The following ANK3 variants were observed in gnomAD, a reference collection of about 807,000 sequenced individuals.
ANK3 encodes ankyrin 3, also known as ankyrin-3.
ANK3 carries 57 observed loss-of-function variants against 370.9 expected under a neutral mutation model. That is an observed-to-expected ratio of 0.15 (90% confidence interval 0.12 to 0.19). ANK3 has a LOEUF of 0.19. Among genes scored for constraint, ANK3 ranks in the 10% least tolerant of loss-of-function variants. The probability of loss-of-function intolerance (pLI) is 1.00; values close to 1 mark genes in which losing one functional copy is unlikely to be tolerated. For synonymous variants in ANK3, 1,929 were observed against 1,946.3 expected (o/e 0.99, Z 0.23); for missense variants, 4,439 against 5,302.1 (o/e 0.84, Z 5.06).
chr10:60,641,512 G>A (rs571005498), intron 1 of ANK3, among the ~76,000 whole-genome samples: 184 of 150,924 alleles, frequency 1.2e-3, no homozygotes, highest in African/African-American at 4.1e-3. Context: ...ACAAACCTGA[G>A]AAAAACAAGC....
At chr10:60,333,533 T>G (rs1228468733) in intron 1 of ANK3, among the ~76,000 whole-genome samples, 1 of 152,242 alleles carries the variant, frequency 6.6e-6, no homozygotes, top group Non-Finnish European at 1.5e-5. Flanking sequence ...GCATATTTTG[T>G]TTAACCAGTC....
chr10:60,497,186 C>A (rs2075680876), intron 2 of ANK3, among the ~76,000 whole-genome samples: 1 of 151,838 alleles, frequency 6.6e-6, no homozygotes, highest in East Asian at 1.9e-4. Context: ...TGCCTGTGGT[C>A]CCCAGTTACT....
chr10:60,405,065 C>T (rs760433350), intron 2 of ANK3, among the ~76,000 whole-genome samples: 1 of 152,110 alleles, frequency 6.6e-6, no homozygotes, highest in African/African-American at 2.4e-5. Flanking sequence ...AACTCTAATA[C>T]GTTGTGAGTG....
At chr10:60,466,980 G>T (rs781148385) in intron 2 of ANK3, among the ~76,000 whole-genome samples, 2 of 152,084 alleles carry the variant, frequency 1.3e-5, no homozygotes, top group African/African-American at 4.8e-5. Flanking sequence ...GGATGAAAAA[G>T]CTCTGGAATT....
At chr10:60,100,679 T>A (rs540566912) in intron 28 of ANK3, among the ~76,000 whole-genome samples, 17 of 152,204 alleles carry the variant, frequency 1.1e-4, no homozygotes, top group South Asian at 8.3e-4. Context: ...GTTCCTAGCA[T>A]TGTAAAATTG....
intron 1 of ANK3, among the ~76,000 whole-genome samples, chr10:60,656,533 T>C (rs1480371556): frequency 3.3e-5 from 5 of 152,162 alleles, no homozygotes; most frequent in Admixed American, 6.5e-5. Flanking sequence ...AATTATTTCC[T>C]TCCCTCTGGT....
chr10:60,690,809 G>A (rs1169430846), intron 1 of ANK3, among the ~76,000 whole-genome samples: 1 of 152,138 alleles, frequency 6.6e-6, no homozygotes, highest in Non-Finnish European at 1.5e-5. Flanking sequence ...AGTCCAGGCC[G>A]GAAAATGTAA....
At position 60,080,789 on chromosome 10, in the gene ANK3, C is replaced by T. The variant is rs12243428; in HGVS notation, c.4351-171G>A. Among the ~76,000 whole-genome samples the T allele has an allele frequency of 8.7e-3, 1,319 of 152,194 alleles. 22 individuals are homozygous for T. Among genetic ancestry groups the T allele is most frequent in the African/African-American group, 0.03 (1,243 of 41,538 alleles). On this transcript the variant is annotated intron_variant, in intron 35 of 43. Coordinates refer to ENST00000280772, the MANE Select transcript of ANK3 (RefSeq NM_020987.5). ...CCACCCCCCATGTCTTAACCAAAATCATCATTTGGCAAATTTAAGAGCACC... is the reference window on the plus strand; with the variant it reads ...CCACCCCCCATGTCTTAACCAAAATTATCATTTGGCAAATTTAAGAGCACC...
chr10:60,664,376 G>A (rs1035004836), intron 1 of ANK3, among the ~76,000 whole-genome samples: 1 of 152,194 alleles, frequency 6.6e-6, no homozygotes, highest in African/African-American at 2.4e-5. Context: ...TCTTAAATCT[G>A]AGACACAAAA....
chr10:60,392,301 TGACTA>T (rs1425790095), upstream of ANK3, among the ~76,000 whole-genome samples: 2 of 152,232 alleles, frequency 1.3e-5, no homozygotes, highest in African/African-American at 2.4e-5. Flanking sequence ...CTTTATTCCT[TGACTA>T]AAGTTTTATC....
chr10:60,200,292 C>T (rs540068305), intron 12 of ANK3, 65 bp from the exon 13 acceptor site: 2 of 1,301,538 alleles, frequency 1.5e-6, no homozygotes, highest in East Asian at 2.3e-5. Context: ...TTTTATTTGG[C>T]ATAAAGCTTA....
At chr10:60,219,494 A>G (rs772008417) in intron 8 of ANK3, among the ~76,000 whole-genome samples, 6 of 152,130 alleles carry the variant, frequency 3.9e-5, no homozygotes, top group Admixed American at 6.6e-5. Context: ...ACCCTTGGGC[A>G]ATGTGCGTGA....
At chr10:60,440,304 T>C (rs2064268312) in intron 2 of ANK3, among the ~76,000 whole-genome samples, 1 of 152,126 alleles carries the variant, frequency 6.6e-6, no homozygotes, top group Middle Eastern at 3.2e-3. Flanking sequence ...CAAGACTGGG[T>C]AATTTATAAA....
chr10:60,085,599 A>C (rs1211106544), intron 30 of ANK3, among the ~76,000 whole-genome samples: 1 of 150,070 alleles, frequency 6.7e-6, no homozygotes, highest in Non-Finnish European at 1.5e-5. Context: ...TGGATAATTA[A>C]GTCTCTTACT....
chr10:60,267,243 C>G (rs1008513601), intron 5 of ANK3, among the ~76,000 whole-genome samples: 22 of 152,012 alleles, frequency 1.4e-4, no homozygotes, highest in African/African-American at 5.1e-4. Context: ...ATAAATAACA[C>G]CAATATTATT....
At chr10:60,235,651 T>G (rs1017218540) in intron 7 of ANK3, among the ~76,000 whole-genome samples, 1 of 145,900 alleles carries the variant, frequency 6.9e-6, no homozygotes, top group African/African-American at 2.5e-5. Flanking sequence ...TCCTCTCGCC[T>G]CAGCCTCCCA....
At position 60,644,707 on chromosome 10, in the gene ANK3, A is replaced by G. The variant is rs1462595025; in HGVS notation, c.58-29483T>C. Reference sequence around the variant, plus strand: ...TCCCCTTCCTCTTCTCCTAGATTAGATAATGGAAGAGATCACGTATCTTAC... The same window carrying G: ...TCCCCTTCCTCTTCTCCTAGATTAGGTAATGGAAGAGATCACGTATCTTAC... On this transcript the variant is annotated intron_variant, in intron 1 of 43. Transcript: ENST00000373827. Among the ~76,000 whole-genome samples the G allele has an allele frequency of 2.0e-5, 3 of 152,094 alleles. No homozygotes were observed. The South Asian group carries it at 6.2e-4, about 32-fold the overall frequency.
At chr10:60,123,940 G>C (rs1322485259) in intron 25 of ANK3, among the ~76,000 whole-genome samples, 1 of 152,138 alleles carries the variant, frequency 6.6e-6, no homozygotes, top group Non-Finnish European at 1.5e-5. Flanking sequence ...AGATGACTTG[G>C]GTTTGAATCA....
intron 2 of ANK3, among the ~76,000 whole-genome samples, chr10:60,444,444 G>GTATA (rs372579717): frequency 1.9e-4 from 28 of 148,828 alleles, no homozygotes; most frequent in African/African-American, 2.7e-4. Flanking sequence ...GTGTGTGTGT[G>GTATA]TATATATATA....
Sources: gnomAD v4.1 joint callset for allele counts (sites outside exome capture counted in the v4.1 genomes callset) on GRCh38, gnomAD v4.1.1 for gene constraint, MANE v1.5 for transcripts, NCBI Gene and HGNC (gene_info 2026-07-23, HGNC 2026-07-21) for gene names.